The following ALPK2 variants were observed in gnomAD, a reference collection of about 807,000 sequenced individuals.
ALPK2 encodes the protein alpha-protein kinase 2.
A neutral mutation model predicts 163.1 loss-of-function variants in ALPK2; 127 were observed. The ratio of observed to expected loss-of-function variants is 0.78; its 90% confidence interval spans 0.67 to 0.90. The LOEUF is 0.90. ALPK2 is among the 40% of genes least tolerant of loss of function. The pLI is 0.00. For synonymous variants in ALPK2, 953 were observed against 959.1 expected (o/e 0.99, Z 0.12); for missense variants, 2,360 against 2,589.6 (o/e 0.91, Z 1.92).
rs187642324 is a variant in ALPK2, at chr18:58,599,867, A to G, written c.227+7455T>C. ...CATAGAAAAGTTAAATAATTTGCCC[A>G]GGATGATACAGCTTATAGATCTGGG... On this transcript the variant is annotated intron_variant, in intron 3 of 12. Coordinates refer to ENST00000361673, the MANE Select transcript of ALPK2 (RefSeq NM_052947.4). 9.8e-5 allele frequency among the ~76,000 whole-genome samples: 15 copies of G among 152,298 alleles called. No individual in the cohort carries two copies. The East Asian group carries it at 2.9e-3, about 29-fold the overall frequency.
intron 3 of ALPK2, among the ~76,000 whole-genome samples, chr18:58,604,023 A>G (rs1357311861): frequency 1.3e-5 from 2 of 152,198 alleles, no homozygotes; most frequent in Non-Finnish European, 2.9e-5. Context: ...TGAGGACAGC[A>G]TGAGGAGGAG....
At chr18:58,534,490 G>A (rs1318424955) in intron 5 of ALPK2, among the ~76,000 whole-genome samples, 1 of 152,180 alleles carries the variant, frequency 6.6e-6, no homozygotes, top group Non-Finnish European at 1.5e-5. Context: ...TTGTAAAAGA[G>A]GATAATGAAA....
At chr18:58,551,301 C>T (rs994072694) in intron 4 of ALPK2, among the ~76,000 whole-genome samples, 4 of 152,168 alleles carry the variant, frequency 2.6e-5, no homozygotes, top group African/African-American at 9.7e-5. Context: ...TCTGGAGGTC[C>T]TCCCTTGCCT....
intron 4 of ALPK2, among the ~76,000 whole-genome samples, chr18:58,542,306 G>T (rs1251340183): frequency 6.6e-6 from 1 of 152,198 alleles, no homozygotes; most frequent in Non-Finnish European, 1.5e-5. Context: ...TGCCCAGAAG[G>T]CACTCACTCA....
At chr18:58,592,740 G>A (rs988334014) in intron 3 of ALPK2, among the ~76,000 whole-genome samples, 2 of 152,238 alleles carry the variant, frequency 1.3e-5, no homozygotes, top group African/African-American at 4.8e-5. Flanking sequence ...AGTTGGCAAA[G>A]TCAGTACTGC....
intron 4 of ALPK2, among the ~76,000 whole-genome samples, chr18:58,570,828 G>T (rs1218609335): frequency 6.6e-6 from 1 of 152,112 alleles, no homozygotes. Context: ...AACACCCTTG[G>T]TTTCTTCAAC....
At chr18:58,538,829 G>T (rs35311276) in intron 4 of ALPK2, among the ~76,000 whole-genome samples, 64,395 of 151,866 alleles carry the variant, frequency 0.42, 14,417 homozygotes, top group Non-Finnish European at 0.51. Flanking sequence ...CCTCAGGGGT[G>T]GGGGGAATGA....
intron 3 of ALPK2, among the ~76,000 whole-genome samples, chr18:58,590,011 A>T (rs557933932): frequency 6.6e-6 from 1 of 151,994 alleles, no homozygotes; most frequent in Admixed American, 6.5e-5. Flanking sequence ...TGAGGTCAGG[A>T]GTTTGAGACC....
At chr18:58,539,289 C>G (rs756626499) in intron 4 of ALPK2, among the ~76,000 whole-genome samples, 1 of 151,852 alleles carries the variant, frequency 6.6e-6, no homozygotes, top group Non-Finnish European at 1.5e-5. Context: ...CAGACCACCT[C>G]TACAGGAAAT....
intron 3 of ALPK2, among the ~76,000 whole-genome samples, chr18:58,593,190 G>A (rs771732683): frequency 4.6e-5 from 7 of 152,178 alleles, no homozygotes; most frequent in Non-Finnish European, 1.0e-4. Flanking sequence ...ATGCCGGACA[G>A]AGGGTATGTG....
intron 4 of ALPK2, among the ~76,000 whole-genome samples, chr18:58,570,513 G>A (rs1260481395): frequency 1.3e-5 from 2 of 152,240 alleles, no homozygotes; most frequent in Admixed American, 6.5e-5. Context: ...TAGCATAGAA[G>A]AAGTAAATTT....
chr18:58,592,782 TGTG>T (rs2144211355), intron 3 of ALPK2, among the ~76,000 whole-genome samples: 1 of 152,262 alleles, frequency 6.6e-6, no homozygotes, highest in East Asian at 1.9e-4. Context: ...TAGCAGCGAA[TGTG>T]CCTGGGTTCA....
In ALPK2 at chr18:58,481,859, C is replaced by T. The variant is rs761890043; in HGVS notation, c.6477G>A (p.Lys2159=). The T allele has an allele frequency of 6.2e-7, 1 of 1,614,186 alleles. No individual in the cohort carries two copies. The highest frequency in any genetic ancestry group is 1.7e-5 in the Admixed American group (1 of 60,016). The change falls in exon 13 of 13, where the codon AAG becomes AAA. Residue 2159 remains lysine, a synonymous_variant. Transcript: ENST00000361673. ...KVQTNSMTIK[K]AGPETPGEKK... Reference sequence around the variant, plus strand: ...TTTCGCCTGGGGTCTCAGGCCCTGCCTTCTTTATTGTCATAGAGTTTGTTT... The same window carrying T: ...TTTCGCCTGGGGTCTCAGGCCCTGCTTTCTTTATTGTCATAGAGTTTGTTT...
Position 58,616,207 on chromosome 18 carries a change from T to C in ALPK2, c.-20-4390A>G, listed in dbSNP as rs542871866. ...TTTTTGCTGTGTGGTTATGGTGTTA[T>C]GATATATCTGTATATTTATTGGTTT... On this transcript the variant is annotated intron_variant, in intron 1 of 12. Transcript: ENST00000361673. 9.8e-5 allele frequency among the ~76,000 whole-genome samples: 15 copies of C among 152,328 alleles called. No homozygotes were observed. The East Asian group carries it at 1.5e-3, about 16-fold the overall frequency.
At chr18:58,572,718 G>A (rs2051892137) in intron 4 of ALPK2, among the ~76,000 whole-genome samples, 1 of 152,204 alleles carries the variant, frequency 6.6e-6, no homozygotes, top group Non-Finnish European at 1.5e-5. Flanking sequence ...CAAAGGGAGA[G>A]GGCAGGAAGG....
chr18:58,587,553 A>C (rs1216050763), intron 3 of ALPK2, among the ~76,000 whole-genome samples: 1 of 152,234 alleles, frequency 6.6e-6, no homozygotes, highest in African/African-American at 2.4e-5. Flanking sequence ...TAGAAATTAT[A>C]CATACAAACC....
intron 4 of ALPK2, among the ~76,000 whole-genome samples, chr18:58,550,815 T>C (rs1235174558): frequency 2.8e-5 from 3 of 106,734 alleles, no homozygotes; most frequent in Admixed American, 1.0e-4. Flanking sequence ...ACCTCATCCC[T>C]ATCTCCATCA....
At chr18:58,572,617 A>T (rs926050080) in intron 4 of ALPK2, among the ~76,000 whole-genome samples, 2 of 152,210 alleles carry the variant, frequency 1.3e-5, no homozygotes, top group Non-Finnish European at 2.9e-5. Context: ...AAACTCAAAA[A>T]CTTGTATACT....
chr18:58,566,798 A>G (rs2051855783), intron 4 of ALPK2: 1 of 152,192 alleles, frequency 6.6e-6, no homozygotes, highest in Admixed American at 6.5e-5. Flanking sequence ...AATTCCAGTC[A>G]CGAGTTTTTG....
Sources: allele counts gnomAD v4.1 joint callset (sites outside exome capture counted in the v4.1 genomes callset), GRCh38; gene constraint gnomAD v4.1.1; transcripts MANE v1.5; gene names NCBI Gene and HGNC (gene_info 2026-07-23, HGNC 2026-07-21).